Variants in CNTNAP2 observed in about 807,000 individuals in gnomAD.
CNTNAP2 encodes contactin-associated protein-like 2.
A neutral mutation model predicts 155.2 loss-of-function variants in CNTNAP2; 98 were observed. The observed-to-expected ratio is 0.63, with a 90% CI of 0.54 to 0.75. The LOEUF is 0.75. CNTNAP2 is among the 30% of genes least tolerant of loss of function. The pLI, the probability that CNTNAP2 is intolerant of heterozygous loss-of-function variation, is 0.00. For synonymous variants in CNTNAP2, 651 were observed against 631.2 expected, an observed-to-expected ratio of 1.03 and a Z score of -0.47; for missense variants, 1,727 against 1,688.1, an observed-to-expected ratio of 1.02 and a Z score of -0.40.
At chr7:147,003,103 A>G (rs1423485813) in intron 3 of CNTNAP2, among the ~76,000 whole-genome samples, 1 of 152,044 alleles carries the variant, frequency 6.6e-6, no homozygotes, top group Admixed American at 6.6e-5. Context: ...AGAAATGAAT[A>G]AGGAAGATAT....
intron 9 of CNTNAP2, among the ~76,000 whole-genome samples, chr7:147,333,443 T>C (rs1185854603): frequency 1.3e-5 from 2 of 152,224 alleles, no homozygotes; most frequent in African/African-American, 4.8e-5. Context: ...TGTCATTGAA[T>C]GCTAACAGCT....
chr7:147,348,448 T>C (rs546277292), intron 9 of CNTNAP2, among the ~76,000 whole-genome samples: 1 of 151,836 alleles, frequency 6.6e-6, no homozygotes, highest in Admixed American at 6.6e-5. Flanking sequence ...TCACAATAAG[T>C]TATCGCACCG....
intron 15 of CNTNAP2, among the ~76,000 whole-genome samples, chr7:148,003,095 A>G (rs1801924847): frequency 6.6e-6 from 1 of 152,194 alleles, no homozygotes; most frequent in African/African-American, 2.4e-5. Context: ...GGAAAGAACT[A>G]GTGAGGAAGA....
At chr7:147,008,553 A>G (rs1798565447) in intron 3 of CNTNAP2, among the ~76,000 whole-genome samples, 1 of 149,858 alleles carries the variant, frequency 6.7e-6, no homozygotes. Context: ...GAAAACAAAC[A>G]AAATAAAAAA....
chr7:147,313,175 T>C (rs1458042280), intron 9 of CNTNAP2, among the ~76,000 whole-genome samples: 2 of 151,430 alleles, frequency 1.3e-5, no homozygotes, highest in Non-Finnish European at 2.9e-5. Context: ...CTTTGTCAGA[T>C]GAGCAGGTTG....
chr7:146,657,189 CTG>C (rs1163289506), intron 1 of CNTNAP2, among the ~76,000 whole-genome samples: 2 of 152,174 alleles, frequency 1.3e-5, no homozygotes, highest in African/African-American at 4.8e-5. Context: ...CTAACAAAAA[CTG>C]TTCCTTAACT....
At chr7:147,812,763 CATCGGAGA>C (rs1361320303) in intron 13 of CNTNAP2, among the ~76,000 whole-genome samples, 1 of 152,152 alleles carries the variant, frequency 6.6e-6, no homozygotes, top group Non-Finnish European at 1.5e-5. Context: ...ATGCTTGTTT[CATCGGAGA>C]ATTTTGGCTG....
intron 1 of CNTNAP2, among the ~76,000 whole-genome samples, chr7:146,469,810 G>A (rs533967810): frequency 1.3e-5 from 2 of 150,412 alleles, no homozygotes; most frequent in East Asian, 2.0e-4. Context: ...GATTACAGGC[G>A]TGAGCCACCA....
chr7:147,663,414 T>A (rs1418941394), intron 13 of CNTNAP2, among the ~76,000 whole-genome samples: 2 of 152,264 alleles, frequency 1.3e-5, no homozygotes, highest in Non-Finnish European at 2.9e-5. Context: ...GTGAAGAGCG[T>A]GATGTAATCT....
At chr7:146,474,974 A>C (rs2129127330) in intron 1 of CNTNAP2, among the ~76,000 whole-genome samples, 1 of 151,618 alleles carries the variant, frequency 6.6e-6, no homozygotes, top group South Asian at 2.1e-4. Context: ...TTTGGCTTGA[A>C]ACATATGCCT....
chr7:147,450,820 G>A (rs1180600175), intron 10 of CNTNAP2, among the ~76,000 whole-genome samples: 1 of 152,118 alleles, frequency 6.6e-6, no homozygotes, highest in Non-Finnish European at 1.5e-5. Context: ...TGTTGCATTT[G>A]TTCTCCCATT....
intron 10 of CNTNAP2, among the ~76,000 whole-genome samples, chr7:147,435,908 T>G (rs1452309748): frequency 6.6e-6 from 1 of 152,234 alleles, no homozygotes; most frequent in Admixed American, 6.6e-5. Context: ...GTAATAAAAC[T>G]TATCTCTCTT....
chr7:148,322,769 G>T (rs10231182), intron 21 of CNTNAP2, among the ~76,000 whole-genome samples: 143,727 of 148,616 alleles, frequency 0.97, 69,527 homozygotes, highest in East Asian at 1. Flanking sequence ...AAGTAGTTTT[G>T]TTTTGTTTTG....
At chr7:146,662,868 A>G (rs966596004) in intron 1 of CNTNAP2, among the ~76,000 whole-genome samples, 5 of 152,176 alleles carry the variant, frequency 3.3e-5, no homozygotes, top group African/African-American at 1.2e-4. Context: ...TGAGAAATCA[A>G]CTGACCTTAT....
At chr7:147,579,097 A>T (rs1446686356) in intron 12 of CNTNAP2, among the ~76,000 whole-genome samples, 1 of 151,938 alleles carries the variant, frequency 6.6e-6, no homozygotes, top group Non-Finnish European at 1.5e-5. Flanking sequence ...ATCTCTTCCT[A>T]ATTCTGGTCA....
In CNTNAP2 at chr7:148,353,739, T is replaced by C. The variant is rs185194412; in HGVS notation, c.3476-29910T>C. On this transcript the variant is annotated intron_variant, in intron 21 of 23. Coordinates refer to ENST00000361727, the MANE Select transcript of CNTNAP2 (RefSeq NM_014141.6). ...CCAATTTAAATGTTCTACATCTTAG[T>C]TGAGATGGCTATGATACAGATACAT... Among the ~76,000 whole-genome samples, 91 of 152,322 alleles carry C rather than the reference T, an allele frequency of 6.0e-4. No individual in the cohort carries two copies. In the East Asian group the frequency reaches 0.016, roughly 26 times the overall value.
chr7:147,831,148 G>T (rs1798539345), intron 13 of CNTNAP2, among the ~76,000 whole-genome samples: 1 of 152,100 alleles, frequency 6.6e-6, no homozygotes, highest in South Asian at 2.1e-4. Flanking sequence ...AATTAAAGCT[G>T]TATATGTTAT....
At chr7:146,943,204 T>C (rs1401051242) in intron 3 of CNTNAP2, among the ~76,000 whole-genome samples, 1 of 152,184 alleles carries the variant, frequency 6.6e-6, no homozygotes, top group Non-Finnish European at 1.5e-5. Flanking sequence ...ATTCTTACTT[T>C]AAAGAGAAAG....
chr7:148,278,063 C>T (rs1411861681), intron 21 of CNTNAP2, among the ~76,000 whole-genome samples: 1 of 152,190 alleles, frequency 6.6e-6, no homozygotes, highest in East Asian at 1.9e-4. Context: ...GTCACATCCA[C>T]TAACATCTGA....
Sources: allele counts gnomAD v4.1 joint callset (sites outside exome capture counted in the v4.1 genomes callset), GRCh38; gene constraint gnomAD v4.1.1; transcripts MANE v1.5; gene names NCBI Gene and HGNC (gene_info 2026-07-23, HGNC 2026-07-21).